SGCZ: variants seen among roughly 807,000 people sequenced by gnomAD.
The protein encoded by SGCZ is sarcoglycan zeta.
A neutral mutation model predicts 41.3 loss-of-function variants in SGCZ; 40 were observed. The observed-to-expected ratio is 0.97, with a 90% confidence interval of 0.75 to 1.26. SGCZ has a LOEUF of 1.26. Among genes scored for constraint, SGCZ ranks in the 50% most tolerant of loss-of-function variants. The pLI, the probability that SGCZ is intolerant of heterozygous loss-of-function variation, is 0.00. For missense variants in SGCZ, 552 were observed against 369.8 expected, an observed-to-expected ratio of 1.49 and a Z score of -4.04; for synonymous variants, 206 against 137.5, an observed-to-expected ratio of 1.50 and a Z score of -3.49.
At chr8:14,108,294 T>G (rs1428565793) in intron 5 of SGCZ, 59 bp from the exon 6 acceptor site, 2 of 1,425,780 alleles carry the variant, frequency 1.4e-6, no homozygotes, top group African/African-American at 2.8e-5. Flanking sequence ...GGCTTTCATC[T>G]CTATGTTTAT....
intron 1 of SGCZ, among the ~76,000 whole-genome samples, chr8:15,139,604 TCA>T (rs1808246165): frequency 1.3e-5 from 2 of 152,184 alleles, no homozygotes; most frequent in Non-Finnish European, 2.9e-5. Flanking sequence ...ATCTACCATT[TCA>T]CACTTCTTTT....
chr8:14,988,624 C>T (rs922150877), intron 1 of SGCZ, among the ~76,000 whole-genome samples: 2 of 151,906 alleles, frequency 1.3e-5, no homozygotes, highest in African/African-American at 4.8e-5. Flanking sequence ...ATTTTCAATG[C>T]AGTACAACAT....
At chr8:14,944,103 G>A (rs972409258) in intron 1 of SGCZ, among the ~76,000 whole-genome samples, 5 of 152,040 alleles carry the variant, frequency 3.3e-5, no homozygotes, top group African/African-American at 9.7e-5. Flanking sequence ...ATAATTCAAC[G>A]TCTAACTTAG....
At chr8:14,447,750 G>C (rs553012742) in intron 2 of SGCZ, among the ~76,000 whole-genome samples, 1 of 152,266 alleles carries the variant, frequency 6.6e-6, no homozygotes, top group African/African-American at 2.4e-5. Flanking sequence ...TGGAATGAAA[G>C]ACTCCATCTG....
intron 1 of SGCZ, among the ~76,000 whole-genome samples, chr8:14,640,227 T>C (rs1342376075): frequency 6.6e-6 from 1 of 151,752 alleles, no homozygotes; most frequent in East Asian, 1.9e-4. Context: ...TTTTTCTTCT[T>C]CCTGTAAAGT....
At chr8:14,639,038 C>CA (rs1491345527) in intron 1 of SGCZ, among the ~76,000 whole-genome samples, 7 of 137,590 alleles carry the variant, frequency 5.1e-5, no homozygotes, top group Non-Finnish European at 3.1e-5. Context: ...AAACTGGAAT[C>CA]TTTTTTTTTT....
At chr8:14,626,032 T>C (rs1225973142) in intron 1 of SGCZ, among the ~76,000 whole-genome samples, 1 of 152,168 alleles carries the variant, frequency 6.6e-6, no homozygotes, top group Non-Finnish European at 1.5e-5. Flanking sequence ...AGGGCAGACA[T>C]ATGAGGAATA....
intron 1 of SGCZ, among the ~76,000 whole-genome samples, chr8:15,117,548 T>A (rs1031211164): frequency 6.6e-6 from 1 of 152,160 alleles, no homozygotes; most frequent in African/African-American, 2.4e-5. Flanking sequence ...CTGTGTGATA[T>A]TGAGCAGGTC....
At chr8:14,553,166 G>T (rs1263452133) in intron 2 of SGCZ, among the ~76,000 whole-genome samples, 1 of 152,038 alleles carries the variant, frequency 6.6e-6, no homozygotes, top group Non-Finnish European at 1.5e-5. Context: ...AGTAGTCAGA[G>T]AAGGCAGGAG....
intron 1 of SGCZ, among the ~76,000 whole-genome samples, chr8:14,643,369 A>G (rs535254480): frequency 2.0e-5 from 3 of 151,784 alleles, no homozygotes; most frequent in South Asian, 2.1e-4. Flanking sequence ...CATGAATATT[A>G]TTGTTGTAAA....
At chr8:14,741,814 T>C (rs1413092679) in intron 1 of SGCZ, among the ~76,000 whole-genome samples, 1 of 152,076 alleles carries the variant, frequency 6.6e-6, no homozygotes, top group African/African-American at 2.4e-5. Context: ...TAGACAATTA[T>C]GTCGGTAAAG....
intron 3 of SGCZ, among the ~76,000 whole-genome samples, chr8:14,275,419 C>T (rs552574482): frequency 3.3e-5 from 5 of 152,212 alleles, no homozygotes; most frequent in East Asian, 3.9e-4. Context: ...CTAAAGGCTT[C>T]GAACAGCCCC....
At chr8:14,536,840 A>G (rs1274009682) in intron 2 of SGCZ, among the ~76,000 whole-genome samples, 5 of 152,088 alleles carry the variant, frequency 3.3e-5, no homozygotes, top group South Asian at 4.1e-4. Flanking sequence ...AGAAAATAGC[A>G]ACTATTATTT....
chr8:14,991,929 C>T (rs35249522), intron 1 of SGCZ, among the ~76,000 whole-genome samples: 63,194 of 149,856 alleles, frequency 0.42, 13,453 homozygotes, highest in African/African-American at 0.43. Context: ...CCAGTGTTAC[C>T]CTTGAATTTT....
chr8:14,555,966 G>A (rs553876829), intron 1 of SGCZ, among the ~76,000 whole-genome samples: 1 of 152,062 alleles, frequency 6.6e-6, no homozygotes, highest in South Asian at 2.1e-4. Flanking sequence ...ATTTCATAAT[G>A]TAATGAAATT....
chr8:14,252,957 G>A (rs1443164086), intron 3 of SGCZ, among the ~76,000 whole-genome samples: 1 of 152,124 alleles, frequency 6.6e-6, no homozygotes, highest in Non-Finnish European at 1.5e-5. Context: ...GGCATAGCTA[G>A]GTTGCCTGTG....
intron 4 of SGCZ, among the ~76,000 whole-genome samples, chr8:14,198,205 G>A (rs578249311): frequency 9.9e-5 from 15 of 152,252 alleles, no homozygotes; most frequent in East Asian, 1.9e-4. Flanking sequence ...TCAGTCAGCC[G>A]TTTGTCTAGC....
chr8:15,042,807 AAG>A (rs761187336), intron 1 of SGCZ, among the ~76,000 whole-genome samples: 10 of 152,194 alleles, frequency 6.6e-5, no homozygotes, highest in Non-Finnish European at 1.5e-4. Context: ...CACATCAAAC[AAG>A]AAGAGTTTTC....
chr8:14,515,830 T>C (rs187308217), intron 2 of SGCZ, among the ~76,000 whole-genome samples: 64 of 152,232 alleles, frequency 4.2e-4, no homozygotes, highest in African/African-American at 1.5e-3. Flanking sequence ...TTTTAGTCTT[T>C]TTCAATTAGA....
Sources: allele counts gnomAD v4.1 joint callset (sites outside exome capture counted in the v4.1 genomes callset), GRCh38; gene constraint gnomAD v4.1.1; transcripts MANE v1.5; gene names NCBI Gene and HGNC (gene_info 2026-07-23, HGNC 2026-07-21).